KAT5: variants seen among roughly 807,000 people sequenced by gnomAD.
KAT5 encodes the protein lysine acetyltransferase 5.
In KAT5, 31 loss-of-function variants were observed where a neutral mutation model predicts 68.1. The ratio of observed to expected loss-of-function variants is 0.46; its 90% confidence interval spans 0.34 to 0.61. The LOEUF (loss-of-function observed/expected upper bound fraction) is 0.61, where lower values mean the gene tolerates loss of function less well. KAT5 is among the 20% of genes least tolerant of loss of function. KAT5 has a pLI of 0.01. For synonymous variants in KAT5, 365 were observed against 292.6 expected, an observed-to-expected ratio of 1.25 and a Z score of -2.52; for missense variants, 451 against 725.5, an observed-to-expected ratio of 0.62 and a Z score of 4.35.
chr11:65,712,190 G>T (rs575655201), upstream of KAT5: 3 of 1,353,558 alleles, frequency 2.2e-6, no homozygotes, highest in South Asian at 3.7e-5. Context: ...GGCTTCGTGA[G>T]GCCCGGGCCC....
Position 65,713,522 on chromosome 11 carries a change from G to A in KAT5, c.540+19G>A. Reference sequence around the variant, plus strand: ...CTCAACGGTACCCTCAGCAATTCCAGGGACCTTGCTTTCTTCTCAGGTCCC... The same window carrying A: ...CTCAACGGTACCCTCAGCAATTCCAAGGACCTTGCTTTCTTCTCAGGTCCC... On this transcript the variant is annotated intron_variant, in intron 4 of 12. Transcript: ENST00000341318. 6.2e-7 allele frequency: 1 copy of A among 1,614,112 alleles called. No individual in the cohort carries two copies. Among genetic ancestry groups the A allele is most frequent in the Non-Finnish European group, 8.5e-7 (1 of 1,179,994 alleles).
chr11:65,718,481 CAGG>C, intron 10 of KAT5, 106 bp from the exon 11 acceptor site: 2 of 1,123,750 alleles, frequency 1.8e-6, no homozygotes, highest in South Asian at 1.5e-5. Flanking sequence ...TGCCAAGTGG[CAGG>C]GCCATGATAG....
chr11:65,715,535 C>T (rs914242103), intron 8 of KAT5, among the ~76,000 whole-genome samples: 7 of 151,482 alleles, frequency 4.6e-5, no homozygotes, highest in East Asian at 1.9e-4. Context: ...CTGAGGCGGG[C>T]GGATCACAAG....
At chr11:65,715,000 A>G in intron 8 of KAT5, 90 bp downstream of exon 8, 2 of 1,130,446 alleles carry the variant, frequency 1.8e-6, no homozygotes, top group Non-Finnish European at 2.6e-6. Flanking sequence ...AAGCCAGCAG[A>G]TCAGTCCAGC....
chr11:65,714,925 G>A lies in KAT5; in HGVS notation c.1029+15G>A, dbSNP rs749348240. On this transcript the variant is annotated intron_variant, in intron 8 of 12. Coordinates refer to ENST00000341318, the MANE Select transcript of KAT5 (RefSeq NM_182710.3). ...GTAAGAACAAGGTTAGTGCTTGAGA[G>A]GCAGTGAGGCGCTGGGGTGAATCAA... 3 of 1,605,524 alleles carry A rather than the reference G, an allele frequency of 1.9e-6. No homozygotes were observed. Among genetic ancestry groups the A allele is most frequent in the South Asian group, 1.1e-5 (1 of 90,916 alleles).
In KAT5 at chr11:65,714,683, C is replaced by T. The variant is rs1000948431; in HGVS notation, c.879C>T (p.Leu293=). ...YPQELTTLPV[L]YLCEFCLKYG... ...AGGAACTCACCACATTGCCTGTCCTCTACCTGTGCGAGTTCTGCCTCAAGT... is the reference window on the plus strand; with the variant it reads ...AGGAACTCACCACATTGCCTGTCCTTTACCTGTGCGAGTTCTGCCTCAAGT... Residue 293 remains leucine (L), a synonymous_variant, in exon 7 of 13, where the codon CTC becomes CTT. Transcript: ENST00000341318. The T allele has an allele frequency of 1.2e-6, 2 of 1,614,240 alleles. No individual in the cohort carries two copies. Among genetic ancestry groups the T allele is most frequent in the South Asian group, 2.2e-5 (2 of 91,090 alleles).
Position 65,718,868 on chromosome 11 carries a change from C to G in KAT5, c.1425-5C>G. 1 of 1,614,124 alleles carries G rather than the reference C, an allele frequency of 6.2e-7. No homozygotes were observed. The highest frequency in any genetic ancestry group is 1.1e-5 in the South Asian group (1 of 91,084). On this transcript the variant is annotated splice_polypyrimidine_tract_variant and splice_region_variant and intron_variant, in intron 11 of 12. Coordinates refer to ENST00000341318, the MANE Select transcript of KAT5 (RefSeq NM_182710.3). ...TCAGGGAACCTGACCTGTGCTCTCC[C>G]ACAGTGAGATTAGTGAAATCACCAG...
chr11:65,715,567 T>C (rs924423964), intron 8 of KAT5, among the ~76,000 whole-genome samples: 3 of 150,658 alleles, frequency 2.0e-5, no homozygotes, highest in Non-Finnish European at 4.4e-5. Context: ...GAGACCATCC[T>C]GGCTAACACG....
rs1565212020 is a variant in KAT5, at chr11:65,719,095, C to T, written c.1555C>T (p.Arg519Trp). 1.9e-6 allele frequency: 3 copies of T among 1,614,110 alleles called. No homozygotes were observed. Among genetic ancestry groups the T allele is most frequent in the Non-Finnish European group, 2.5e-6 (3 of 1,179,980 alleles). Residue 519 changes from arginine (R) to tryptophan (W), a missense_variant, in exon 13 of 13, where the codon CGG (arginine) becomes TGG (tryptophan). By Grantham distance (101) the Arg-to-Trp change is moderately radical. This residue lies in a region of KAT5 where 210 missense variants were observed against 423.7 expected (regional missense o/e 0.50). Coordinates refer to ENST00000341318, the MANE Select transcript of KAT5 (RefSeq NM_182710.3). The part of the protein sequence containing the change: ...LSEDIVDGHE[R>W]AMLKRLLRID... ...AGAGGACATCGTGGATGGCCATGAG[C>T]GGGCCATGCTCAAGCGGCTCCTGCG...
intron 8 of KAT5, among the ~76,000 whole-genome samples, chr11:65,715,630 G>A (rs1048307164): frequency 8.6e-5 from 13 of 151,896 alleles, no homozygotes; most frequent in Admixed American, 4.6e-4. Context: ...GCGTGGTGGC[G>A]GGTGCCTGTA....
chr11:65,713,369 G>A lies in KAT5; in HGVS notation c.406G>A (p.Gly136Arg), dbSNP rs750044561. 6 of 1,613,920 alleles carry A rather than the reference G, an allele frequency of 3.7e-6. No individual in the cohort carries two copies. Among genetic ancestry groups the A allele is most frequent in the African/African-American group, 2.7e-5 (2 of 74,878 alleles). ...ACAGCCGGCCTCGGCGCAGGCCAGC[G>A]GGAAGACCTTGCCAATCCCGGTCCA... ...REVPASAQAS[G>R]KTLPIPVQIT... The change falls in exon 4 of 13, where the codon GGG becomes AGG. Residue 136 changes from glycine (G) to arginine (R), a missense_variant. Gly to Arg is a moderately radical substitution (Grantham distance 125, BLOSUM62 -2). This residue lies in a region of KAT5 where 135 missense variants were observed against 173.4 expected (regional missense o/e 0.78). Transcript: ENST00000341318.
At chr11:65,717,285 G>A (rs1044286240) in intron 10 of KAT5, 64 of 504,126 alleles carry the variant, frequency 1.3e-4, no homozygotes, top group Admixed American at 6.0e-4. Context: ...TTAGTGAGCC[G>A]CTGGTGCTGA....
chr11:65,712,242 C>G, upstream of KAT5: 2 of 1,401,974 alleles, frequency 1.4e-6, no homozygotes, highest in Non-Finnish European at 1.9e-6. Context: ...CCAGAGGGGC[C>G]GGAAGTGGCA....
At chr11:65,712,208 G>C (rs1486265003), upstream of KAT5, 1 of 1,374,156 alleles carries the variant, frequency 7.3e-7, no homozygotes, top group East Asian at 3.0e-5. Context: ...CCCACAGGGC[G>C]CTCGGTCCCG....
chr11:65,714,120 G>C, intron 6 of KAT5: 1 of 527,182 alleles, frequency 1.9e-6, no homozygotes, highest in South Asian at 2.2e-5. Context: ...CCAACATGGT[G>C]AAACCTTGTT....
At chr11:65,713,296 C>T (rs1053577866) in intron 3 of KAT5, 52 bp from the exon 4 acceptor site, 19 of 1,580,518 alleles carry the variant, frequency 1.2e-5, no homozygotes, top group East Asian at 6.7e-5. Flanking sequence ...TCCCCTTCCC[C>T]ATCCCACTGC....
rs193248159 is a variant in KAT5, at chr11:65,712,749, C to T, written c.179-17C>T. The stretch of plus-strand genomic sequence containing the variant: ...AGCCTGGCCTGTCTAAGGCCCCTGT[C>T]TATGCTATTCTCATAGCCCTGGCCG... On this transcript the variant is annotated splice_polypyrimidine_tract_variant and intron_variant, in intron 1 of 12. Transcript: ENST00000341318. 304 of 1,613,868 alleles carry T rather than the reference C, an allele frequency of 1.9e-4. 1 individual carries two copies. In the East Asian group the frequency reaches 6.2e-3, roughly 33 times the overall value.
Position 65,713,782 on chromosome 11 carries a change from C to T in KAT5, c.624C>T (p.Ala208=), listed in dbSNP as rs540553489. Residue 208 remains alanine, a synonymous_variant, in exon 6 of 13, where the codon GCC becomes GCT. Transcript: ENST00000341318. The part of the protein sequence containing the change: ...APASVFPQNG[A]ARRAVAAQPG... ...TCCTACTATCTCGGCAGAATGGAGCCGCCCGTAGGGCAGTGGCAGCCCAGC... is the reference window on the plus strand; with the variant it reads ...TCCTACTATCTCGGCAGAATGGAGCTGCCCGTAGGGCAGTGGCAGCCCAGC... 4.1e-5 allele frequency: 66 copies of T among 1,611,512 alleles called. No homozygotes were observed. In the East Asian group the frequency reaches 4.2e-4, roughly 10 times the overall value.
At chr11:65,716,288 T>G in intron 8 of KAT5, 1 of 211,800 alleles carries the variant, frequency 4.7e-6, no homozygotes, top group Non-Finnish European at 9.6e-6. Flanking sequence ...TTTGGACACA[T>G]TAGTTTGAGG....
Sources: gnomAD v4.1 joint callset for allele counts (sites outside exome capture counted in the v4.1 genomes callset) on GRCh38, gnomAD v4.1.1 for gene constraint, gnomAD v4.1.1 regional missense constraint, MANE v1.5 for transcripts, NCBI Gene and HGNC (gene_info 2026-07-23, HGNC 2026-07-21) for gene names.